STAM: variants seen among roughly 807,000 people sequenced by gnomAD.
STAM encodes signal transducing adaptor molecule.
In STAM, 16 loss-of-function variants were observed where a neutral mutation model predicts 63.4. The ratio of observed to expected loss-of-function variants is 0.25; its 90% CI spans 0.17 to 0.38. STAM has a LOEUF of 0.38. Among genes scored for constraint, STAM ranks in the 10% least tolerant of loss-of-function variants. The probability of loss-of-function intolerance (pLI) is 1.00; values close to 1 mark genes in which losing one functional copy is unlikely to be tolerated. For missense variants in STAM, 636 were observed against 657.1 expected (o/e 0.97, Z 0.35); for synonymous variants, 238 against 223.9 (o/e 1.06, Z -0.56).
At chr10:17,654,512 G>A (rs1320711079) in intron 1 of STAM, among the ~76,000 whole-genome samples, 4 of 152,188 alleles carry the variant, frequency 2.6e-5, no homozygotes, top group South Asian at 2.1e-4. Context: ...GTGGGTCACC[G>A]CGCCCGGCTA....
chr10:17,702,718 A>C (rs1441315459), intron 9 of STAM, among the ~76,000 whole-genome samples: 1 of 152,170 alleles, frequency 6.6e-6, no homozygotes. Context: ...GCATTATATA[A>C]GAAAATGCTG....
chr10:17,662,023 CTACTT>C (rs1181551750), intron 2 of STAM, among the ~76,000 whole-genome samples: 4 of 152,062 alleles, frequency 2.6e-5, no homozygotes, highest in African/African-American at 9.7e-5. Flanking sequence ...TTTATTTGTC[CTACTT>C]TACTTTGGAC....
intron 6 of STAM, among the ~76,000 whole-genome samples, chr10:17,694,209 A>G (rs1485616904): frequency 6.6e-6 from 1 of 152,112 alleles, no homozygotes; most frequent in Non-Finnish European, 1.5e-5. Flanking sequence ...CTTAAATTTG[A>G]TAATGGTGTA....
chr10:17,666,446 G>C (rs963251473), intron 2 of STAM, among the ~76,000 whole-genome samples: 5 of 137,740 alleles, frequency 3.6e-5, no homozygotes, highest in African/African-American at 8.4e-5. Context: ...TCAGGCTGGA[G>C]TGCAGTGGCA....
chr10:17,650,717 G>A (rs1554821425), intron 1 of STAM, among the ~76,000 whole-genome samples: 3 of 152,110 alleles, frequency 2.0e-5, no homozygotes, highest in African/African-American at 7.2e-5. Context: ...TTTCCAGATG[G>A]CTGATGGTGA....
At chr10:17,647,505 T>G (rs1230976666) in intron 1 of STAM, among the ~76,000 whole-genome samples, 2 of 147,790 alleles carry the variant, frequency 1.4e-5, no homozygotes, top group African/African-American at 2.5e-5. Context: ...CTCCTTCCAC[T>G]TTTTTTTTTC....
At chr10:17,697,699 A>G (rs540616099) in intron 8 of STAM, among the ~76,000 whole-genome samples, 1 of 151,688 alleles carries the variant, frequency 6.6e-6, no homozygotes, top group Non-Finnish European at 1.5e-5. Context: ...TCATCAAGCA[A>G]AGTTTAAGTC....
At chr10:17,701,324 G>A (rs1215985621) in intron 9 of STAM, among the ~76,000 whole-genome samples, 1 of 152,106 alleles carries the variant, frequency 6.6e-6, no homozygotes, top group Non-Finnish European at 1.5e-5. Flanking sequence ...TTATTACCAT[G>A]TTTTAAAAAT....
chr10:17,656,070 G>A (rs987225549), intron 1 of STAM, among the ~76,000 whole-genome samples: 2 of 151,876 alleles, frequency 1.3e-5, no homozygotes, highest in Non-Finnish European at 2.9e-5. Context: ...CAAGGTGGGT[G>A]AGTCACCAGG....
intron 2 of STAM, among the ~76,000 whole-genome samples, chr10:17,681,046 T>C (rs2131624084): frequency 1.3e-5 from 2 of 152,318 alleles, no homozygotes; most frequent in Middle Eastern, 6.8e-3. Context: ...GGAACCAGTA[T>C]ACTGTTTTAC....
intron 2 of STAM, 23 bp downstream of exon 2, chr10:17,660,571 G>T (rs1447116402): frequency 6.4e-7 from 1 of 1,554,160 alleles, no homozygotes; most frequent in African/African-American, 1.4e-5. Context: ...CGTTTCAAAG[G>T]ATTTTTATTC....
intron 2 of STAM, among the ~76,000 whole-genome samples, chr10:17,681,902 G>A (rs1038191779): frequency 4.6e-5 from 7 of 152,150 alleles, no homozygotes; most frequent in Middle Eastern, 3.2e-3. Flanking sequence ...ATGATGTTTC[G>A]TAGGTTATAT....
At chr10:17,679,080 A>C (rs1554824978) in intron 2 of STAM, among the ~76,000 whole-genome samples, 1 of 152,050 alleles carries the variant, frequency 6.6e-6, no homozygotes, top group Non-Finnish European at 1.5e-5. Context: ...GGGTGTACGG[A>C]TATTGGTTAG....
Position 17,714,540 on chromosome 10 carries a change from C to A in STAM, c.1386-3C>A. The A allele has an allele frequency of 6.2e-7, 1 of 1,613,258 alleles. No individual in the cohort carries two copies. The highest frequency in any genetic ancestry group is 8.5e-7 in the Non-Finnish European group (1 of 1,179,206). On this transcript the variant is annotated splice_polypyrimidine_tract_variant and splice_region_variant and intron_variant, in intron 13 of 13. Transcript: ENST00000377524. ...GTAATTGAGTGTTTTTCTTCCTCCA[C>A]AGTACAATGGTCAGTTCCGTTCAAG...
rs781867625 is a variant in STAM, at chr10:17,696,889, C to A, written c.823+20C>A. On this transcript the variant is annotated intron_variant, in intron 8 of 13. Coordinates refer to ENST00000377524, the MANE Select transcript of STAM (RefSeq NM_003473.4). Reference sequence around the variant, plus strand: ...AAATGAGTAAGTATTTTCCAGCCTGCCAATAAATGATGTTTTCTAATCCTT... The same window carrying A: ...AAATGAGTAAGTATTTTCCAGCCTGACAATAAATGATGTTTTCTAATCCTT... The A allele has an allele frequency of 1.1e-5, 17 of 1,565,340 alleles. No homozygotes were observed. The highest frequency in any genetic ancestry group is 1.5e-5 in the Non-Finnish European group (17 of 1,136,052).
chr10:17,655,690 A>T (rs1309738856), intron 1 of STAM, among the ~76,000 whole-genome samples: 1 of 152,172 alleles, frequency 6.6e-6, no homozygotes, highest in Non-Finnish European at 1.5e-5. Flanking sequence ...GAGTATGGAA[A>T]CAAGAATTTC....
At chr10:17,683,000 A>C (rs548746165) in intron 2 of STAM, among the ~76,000 whole-genome samples, 1 of 152,262 alleles carries the variant, frequency 6.6e-6, no homozygotes, top group South Asian at 2.1e-4. Flanking sequence ...TATCCCTGTT[A>C]GTATTCCTTG....
In STAM at chr10:17,716,561, G is replaced by A. The variant is rs1297982875; in HGVS notation, c.*1781G>A. ...TTTTCCACTCCAATTTGAGTATTAT[G>A]GTTTAACTGATATACTTTTCTGCAA... On this transcript the variant is annotated 3_prime_UTR_variant, in exon 14 of 14. Transcript: ENST00000377524. Among the ~76,000 whole-genome samples, 2 of 152,024 alleles carry A rather than the reference G, an allele frequency of 1.3e-5. No individual in the cohort carries two copies. Among genetic ancestry groups the A allele is most frequent in the East Asian group, 3.9e-4 (2 of 5,188 alleles).
chr10:17,658,917 C>A (rs1554822496), intron 1 of STAM, among the ~76,000 whole-genome samples: 1 of 152,120 alleles, frequency 6.6e-6, no homozygotes, highest in African/African-American at 2.4e-5. Flanking sequence ...AGTATGCAGA[C>A]CATTGACATG....
Sources: gnomAD v4.1 joint callset for allele counts (sites outside exome capture counted in the v4.1 genomes callset) on GRCh38, gnomAD v4.1.1 for gene constraint, MANE v1.5 for transcripts, NCBI Gene and HGNC (gene_info 2026-07-23, HGNC 2026-07-21) for gene names.